Variants in CACNA1C observed in about 807,000 individuals in gnomAD.
CACNA1C encodes the protein voltage-dependent L-type calcium channel subunit alpha-1C.
CACNA1C carries 30 observed loss-of-function variants against 229.0 expected under a neutral mutation model. The observed-to-expected ratio is 0.13, with a 90% CI of 0.10 to 0.18. The LOEUF is 0.18. Among genes scored for constraint, CACNA1C ranks in the 10% least tolerant of loss-of-function variants. The pLI is 1.00. For missense variants in CACNA1C, 1,658 were observed against 2,845.0 expected (o/e 0.58, Z 9.49); for synonymous variants, 1,114 against 1,132.5 (o/e 0.98, Z 0.33).
intron 34 of CACNA1C, among the ~76,000 whole-genome samples, chr12:2,659,729 T>G (rs532537312): frequency 1.3e-5 from 2 of 152,310 alleles, no homozygotes; most frequent in South Asian, 4.1e-4. Flanking sequence ...TAATAAAATA[T>G]GGATTTTATC....
intron 2 of CACNA1C, among the ~76,000 whole-genome samples, chr12:2,115,778 A>G (rs1305586454): frequency 2.0e-5 from 3 of 152,252 alleles, no homozygotes; most frequent in Non-Finnish European, 2.9e-5. Flanking sequence ...TTGTATAATA[A>G]GCTGCCTGGG....
At chr12:2,024,629 G>A (rs1008261911) in intron 1 of CACNA1C, among the ~76,000 whole-genome samples, 11 of 152,214 alleles carry the variant, frequency 7.2e-5, no homozygotes, top group Admixed American at 6.5e-4. Context: ...CTGAAAGGTA[G>A]GAAATGCAGT....
intron 16 of CACNA1C, among the ~76,000 whole-genome samples, chr12:2,584,876 G>C (rs932924104): frequency 1.3e-5 from 2 of 152,202 alleles, no homozygotes; most frequent in African/African-American, 4.8e-5. Flanking sequence ...GAGAAGCTGT[G>C]ATAGGTGGCA....
intron 3 of CACNA1C, among the ~76,000 whole-genome samples, chr12:2,384,900 C>T (rs1159366960): frequency 6.6e-6 from 1 of 152,130 alleles, no homozygotes; most frequent in Non-Finnish European, 1.5e-5. Flanking sequence ...CGTAGTTATC[C>T]AGAAGGTACG....
chr12:2,237,840 CATTA>C (rs1168349493), intron 3 of CACNA1C, among the ~76,000 whole-genome samples: 1 of 152,210 alleles, frequency 6.6e-6, no homozygotes, highest in Non-Finnish European at 1.5e-5. Flanking sequence ...TTCGATAGAA[CATTA>C]ATTAACAAAT....
At chr12:2,588,577 C>G (rs1052475210) in intron 18 of CACNA1C, among the ~76,000 whole-genome samples, 1 of 152,174 alleles carries the variant, frequency 6.6e-6, no homozygotes, top group Admixed American at 6.5e-5. Flanking sequence ...CTCGCATGAC[C>G]GCGAATACTC....
At chr12:2,245,325 C>A (rs753162368) in intron 3 of CACNA1C, among the ~76,000 whole-genome samples, 28 of 152,188 alleles carry the variant, frequency 1.8e-4, no homozygotes, top group Non-Finnish European at 3.7e-4. Flanking sequence ...AACCCTTCAG[C>A]ACATGCATGC....
intron 3 of CACNA1C, among the ~76,000 whole-genome samples, chr12:2,219,042 A>T (rs1052749223): frequency 1.3e-5 from 2 of 152,238 alleles, no homozygotes; most frequent in African/African-American, 4.8e-5. Context: ...AGGGTTGAGT[A>T]TGAACCAATG....
At chr12:1,993,053 T>G in intron 1 of CACNA1C, 1 of 709,200 alleles carries the variant, frequency 1.4e-6, no homozygotes, top group Non-Finnish European at 2.5e-6. Context: ...TAGGTTTATA[T>G]CATCATATTT....
At chr12:2,423,459 G>A (rs2098997884) in intron 3 of CACNA1C, among the ~76,000 whole-genome samples, 1 of 152,164 alleles carries the variant, frequency 6.6e-6, no homozygotes, top group South Asian at 2.1e-4. Context: ...ACCTTCATCG[G>A]TAGGATGGGG....
chr12:2,248,341 C>T (rs1040650299), intron 3 of CACNA1C, among the ~76,000 whole-genome samples: 1 of 152,208 alleles, frequency 6.6e-6, no homozygotes, highest in Non-Finnish European at 1.5e-5. Context: ...TGGGAATCTC[C>T]GTGCTGTCCT....
At chr12:2,546,320 C>CAGTAG (rs1568346155) in intron 9 of CACNA1C, among the ~76,000 whole-genome samples, 1 of 101,324 alleles carries the variant, frequency 9.9e-6, no homozygotes, top group African/African-American at 5.6e-5. Context: ...CACACTATTC[C>CAGTAG]CTGCAGTAGC....
intron 3 of CACNA1C, among the ~76,000 whole-genome samples, chr12:2,401,856 C>A (rs899905582): frequency 6.6e-6 from 1 of 152,190 alleles, no homozygotes; most frequent in Admixed American, 6.5e-5. Flanking sequence ...TATGTCCTCT[C>A]CTTTTGTACA....
intron 3 of CACNA1C, among the ~76,000 whole-genome samples, chr12:2,140,723 A>G (rs767579029): frequency 4.6e-5 from 7 of 151,464 alleles, no homozygotes; most frequent in Non-Finnish European, 8.9e-5. Flanking sequence ...TCCTTCTGTC[A>G]TATTTATTAA....
chr12:2,492,839 G>A (rs879345857), intron 6 of CACNA1C, among the ~76,000 whole-genome samples: 2 of 152,234 alleles, frequency 1.3e-5, no homozygotes, highest in Non-Finnish European at 2.9e-5. Flanking sequence ...TCCACTTGCA[G>A]TGGTGGCATC....
chr12:2,607,081 G>A lies in CACNA1C; in HGVS notation c.3307G>A (p.Ala1103Thr). ...NSKFDFDNVL[A>T]AMMALFTVST... ...CAAGTTTGACTTTGACAATGTTCTGGCAGCCATGATGGCCCTCTTCACCGT... is the reference window on the plus strand; with the variant it reads ...CAAGTTTGACTTTGACAATGTTCTGACAGCCATGATGGCCCTCTTCACCGT... The change falls in exon 26 of 47, where the codon GCA becomes ACA. Residue 1103 changes from alanine to threonine, a missense_variant. Physicochemically the swap from Ala to Thr is moderately conservative, Grantham distance 58 (BLOSUM62 0). This residue lies in a region of CACNA1C where 77 missense variants were observed against 130.9 expected (regional missense o/e 0.59). Coordinates refer to ENST00000399655, the MANE Select transcript of CACNA1C (RefSeq NM_000719.7). 6.2e-7 allele frequency: 1 copy of A among 1,613,884 alleles called. No individual in the cohort carries two copies. Among genetic ancestry groups the A allele is most frequent in the Non-Finnish European group, 8.5e-7 (1 of 1,179,884 alleles).
chr12:2,044,198 G>C (rs748629324), intron 1 of CACNA1C, among the ~76,000 whole-genome samples: 1 of 152,206 alleles, frequency 6.6e-6, no homozygotes, highest in African/African-American at 2.4e-5. Context: ...TTACCTTCAA[G>C]TATGACTTTG....
chr12:2,415,228 T>A (rs1403227367), intron 3 of CACNA1C, among the ~76,000 whole-genome samples: 5 of 152,220 alleles, frequency 3.3e-5, no homozygotes, highest in Admixed American at 6.5e-5. Context: ...TGTTCCTCTC[T>A]AGTAATTTTT....
At chr12:2,642,063 GTCT>G (rs1208554485) in intron 30 of CACNA1C, among the ~76,000 whole-genome samples, 2 of 152,272 alleles carry the variant, frequency 1.3e-5, no homozygotes, top group East Asian at 3.9e-4. Context: ...GGTGCAGCAA[GTCT>G]TCTCAAAAGC....
Sources: gnomAD v4.1 joint callset for allele counts (sites outside exome capture counted in the v4.1 genomes callset) on GRCh38, gnomAD v4.1.1 for gene constraint, gnomAD v4.1.1 regional missense constraint, MANE v1.5 for transcripts, NCBI Gene and HGNC (gene_info 2026-07-23, HGNC 2026-07-21) for gene names.